Variants in NUP214 observed in about 807,000 individuals in gnomAD.
The protein encoded by NUP214 is nuclear pore complex protein Nup214.
A neutral mutation model predicts 196.2 loss-of-function variants in NUP214; 79 were observed. The ratio of observed to expected loss-of-function variants is 0.40; its 90% CI spans 0.34 to 0.49. NUP214 has a LOEUF of 0.49. NUP214 is among the 20% of genes least tolerant of loss of function. The probability of loss-of-function intolerance (pLI) is 0.58; values close to 1 mark genes in which losing one functional copy is unlikely to be tolerated. For synonymous variants in NUP214, 1,020 were observed against 990.5 expected (o/e 1.03, Z -0.56); for missense variants, 2,468 against 2,539.0 (o/e 0.97, Z 0.60).
Position 131,192,195 on chromosome 9 carries a change from T to TTTTTC in NUP214, c.3575-13_3575-12insTTTTC. 8.2e-7 allele frequency: 1 copy of TTTTTC among 1,224,628 alleles called. No homozygotes were observed. The highest frequency in any genetic ancestry group is 1.4e-5 in the South Asian group (1 of 69,902). The allele number at this position is 1,224,628 out of a possible 1,614,324, so 75.9% of individuals were successfully genotyped here. On this transcript the variant is annotated splice_polypyrimidine_tract_variant and intron_variant, in intron 26 of 35. Coordinates refer to ENST00000359428, the MANE Select transcript of NUP214 (RefSeq NM_005085.4). The stretch of plus-strand genomic sequence containing the variant: ...TTTTTTTTTTTTTTTTTTTTTTTTT[T>TTTTTC]CCATAATTTCAGGGACAGCCAAGAT...
intron 21 of NUP214, chr9:131,164,416 G>A: frequency 7.2e-6 from 3 of 418,644 alleles, no homozygotes; most frequent in Non-Finnish European, 1.3e-5. Flanking sequence ...CAGTCCTCAA[G>A]TTTTATGGCA....
intron 21 of NUP214, chr9:131,165,153 G>A (rs1050549657): frequency 6.6e-6 from 1 of 152,118 alleles, no homozygotes; most frequent in Admixed American, 6.6e-5. Flanking sequence ...AGCTGAGTGC[G>A]GTGGCATGCA....
intron 18 of NUP214, among the ~76,000 whole-genome samples, chr9:131,160,723 C>T (rs866421808): frequency 1.3e-5 from 2 of 152,276 alleles, no homozygotes; most frequent in South Asian, 4.1e-4. Flanking sequence ...ATTTAGTAAG[C>T]ACAATTCAAT....
chr9:131,135,357 A>T (rs1831691620), intron 8 of NUP214: 1 of 214,226 alleles, frequency 4.7e-6, no homozygotes, highest in South Asian at 1.6e-4. Context: ...GGTGTGAGCT[A>T]CCGCACCCAG....
At chr9:131,126,062 C>T in intron 1 of NUP214, 1 of 402,874 alleles carries the variant, frequency 2.5e-6, no homozygotes, top group Non-Finnish European at 4.5e-6. Flanking sequence ...GTCATCGCGG[C>T]AGCCCTACGA....
intron 31 of NUP214, among the ~76,000 whole-genome samples, chr9:131,219,974 A>G (rs1378510669): frequency 6.6e-6 from 1 of 152,200 alleles, no homozygotes. Flanking sequence ...TATCCAGTTT[A>G]TATTAAGTAT....
intron 7 of NUP214, 57 bp downstream of exon 7, chr9:131,133,266 C>A: frequency 9.4e-7 from 1 of 1,067,286 alleles, no homozygotes; most frequent in Non-Finnish European, 1.3e-6. Flanking sequence ...TCTAATAAAG[C>A]TGGAGGCTTT....
intron 19 of NUP214, 128 bp downstream of exon 19, chr9:131,163,301 G>A (rs1832695958): frequency 2.2e-6 from 2 of 905,128 alleles, no homozygotes; most frequent in South Asian, 1.9e-5. Context: ...TCCTGGTCAG[G>A]GTCCCACCCT....
intron 26 of NUP214, chr9:131,191,754 A>T (rs1001632346): frequency 6.6e-6 from 1 of 152,254 alleles, no homozygotes; most frequent in Non-Finnish European, 1.5e-5. Context: ...TTATGAACCT[A>T]TTTCTCTTTT....
intron 12 of NUP214, among the ~76,000 whole-genome samples, chr9:131,145,011 T>C (rs1832047132): frequency 6.6e-6 from 1 of 152,244 alleles, no homozygotes; most frequent in African/African-American, 2.4e-5. Context: ...TTTGCTTTTT[T>C]ACGTTACAAA....
intron 31 of NUP214, among the ~76,000 whole-genome samples, chr9:131,221,619 C>G (rs1834556740): frequency 6.6e-6 from 1 of 152,154 alleles, no homozygotes; most frequent in African/African-American, 2.4e-5. Flanking sequence ...CCTCTCCTTT[C>G]ACTTTGCTTG....
At chr9:131,200,573 G>A (rs1298236692) in intron 29 of NUP214, among the ~76,000 whole-genome samples, 1 of 152,308 alleles carries the variant, frequency 6.6e-6, no homozygotes, top group Non-Finnish European at 1.5e-5. Flanking sequence ...GCTGGGCGTC[G>A]TGGCAGGCGC....
At chr9:131,230,597 ACTGACCTC>A (rs1834847346) in intron 33 of NUP214, 25 bp from the exon 34 acceptor site, 1 of 1,612,422 alleles carries the variant, frequency 6.2e-7, no homozygotes, top group Non-Finnish European at 8.5e-7. Flanking sequence ...GAGAGGCCCC[ACTGACCTC>A]AGTCTGTTTC....
chr9:131,231,769 T>G (rs1459963809), intron 34 of NUP214, among the ~76,000 whole-genome samples: 1 of 152,098 alleles, frequency 6.6e-6, no homozygotes, highest in African/African-American at 2.4e-5. Flanking sequence ...TAGGTATCAT[T>G]ACAATTGTAC....
intron 18 of NUP214, among the ~76,000 whole-genome samples, chr9:131,162,250 T>G (rs1480902707): frequency 6.6e-6 from 1 of 152,240 alleles, no homozygotes; most frequent in African/African-American, 2.4e-5. Context: ...CAAAATGTCG[T>G]TATGTGGCAC....
chr9:131,184,437 G>A (rs1833392727), intron 24 of NUP214, among the ~76,000 whole-genome samples: 1 of 151,014 alleles, frequency 6.6e-6, no homozygotes, highest in Non-Finnish European at 1.5e-5. Context: ...GGGTTCAAGC[G>A]ATTCTCATGC....
chr9:131,214,370 T>C (rs771124357), intron 30 of NUP214, among the ~76,000 whole-genome samples: 4 of 152,208 alleles, frequency 2.6e-5, no homozygotes, highest in Non-Finnish European at 4.4e-5. Context: ...CACTCTCCGC[T>C]GTGTTGAGAT....
chr9:131,219,167 T>G (rs1478591302), intron 31 of NUP214, among the ~76,000 whole-genome samples: 1 of 152,124 alleles, frequency 6.6e-6, no homozygotes. Context: ...CTTACAACAG[T>G]GCTTTTAGAT....
At chr9:131,133,277 G>T in intron 7 of NUP214, 68 bp downstream of exon 7, 65 of 769,104 alleles carry the variant, frequency 8.5e-5, no homozygotes, top group Non-Finnish European at 1.0e-4. Context: ...TGGAGGCTTT[G>T]ATTTCAAGGG....
Sources: allele counts gnomAD v4.1 joint callset (sites outside exome capture counted in the v4.1 genomes callset), GRCh38; gene constraint gnomAD v4.1.1; transcripts MANE v1.5; gene names NCBI Gene and HGNC (gene_info 2026-07-23, HGNC 2026-07-21).